TMCO5A: variants seen among roughly 807,000 people sequenced by gnomAD.
TMCO5A encodes the protein transmembrane and coiled-coil domain-containing protein 5A.
TMCO5A carries 34 observed loss-of-function variants against 42.3 expected under a neutral mutation model. That is an observed-to-expected ratio of 0.80 (90% CI 0.61 to 1.07). The LOEUF is 1.07. Among genes scored for constraint, TMCO5A ranks in the 50% least tolerant of loss-of-function variants. The pLI, the probability that TMCO5A is intolerant of heterozygous loss-of-function variation, is 0.00. For synonymous variants in TMCO5A, 131 were observed against 115.6 expected (o/e 1.13, Z -0.86); for missense variants, 357 against 327.9 (o/e 1.09, Z -0.69).
chr15:38,001,248 T>A, the TMCO5A span, among the ~76,000 whole-genome samples: 1 of 152,138 alleles, frequency 6.6e-6, no homozygotes, highest in Non-Finnish European at 1.5e-5. Flanking sequence ...TTTATCAATA[T>A]ATAGTGACCT....
chr15:37,949,717 A>T lies in TMCO5A; in HGVS notation c.669-1319A>T, dbSNP rs77934592. ...TTAAAGATGTAAATGCTAAAAAAAAAAAATAAAAATCTTCAAAACTCTGTA... is the reference window on the plus strand; with the variant it reads ...TTAAAGATGTAAATGCTAAAAAAAATAAATAAAAATCTTCAAAACTCTGTA... On this transcript the variant is annotated intron_variant, in intron 11 of 11. Coordinates refer to ENST00000319669, the MANE Select transcript of TMCO5A (RefSeq NM_152453.4). Among the ~76,000 whole-genome samples the T allele has an allele frequency of 2.0e-3, 305 of 152,246 alleles. 2 individuals are homozygous for T. Among genetic ancestry groups the T allele is most frequent in the African/African-American group, 6.7e-3 (278 of 41,572 alleles).
the TMCO5A span, among the ~76,000 whole-genome samples, chr15:38,024,147 TA>T: frequency 6.6e-6 from 1 of 152,238 alleles, no homozygotes; most frequent in Non-Finnish European, 1.5e-5. Flanking sequence ...TCTCTGGTTT[TA>T]ATTTTCCTCT....
At chr15:38,020,021 C>T in the TMCO5A span, among the ~76,000 whole-genome samples, 23 of 151,640 alleles carry the variant, frequency 1.5e-4, no homozygotes, top group African/African-American at 5.3e-4. Context: ...GAGACAGGAC[C>T]TTGCTCTGTC....
intron 11 of TMCO5A, among the ~76,000 whole-genome samples, chr15:37,957,107 A>G (rs1197546852): frequency 6.6e-6 from 1 of 152,178 alleles, no homozygotes; most frequent in African/African-American, 2.4e-5. Flanking sequence ...AATGAGAGCT[A>G]TTTATGACAA....
At chr15:37,937,090 A>G in intron 4 of TMCO5A, 120 bp downstream of exon 4, 3 of 1,459,330 alleles carry the variant, frequency 2.1e-6, no homozygotes, top group Non-Finnish European at 2.8e-6. Context: ...CTCAAAAGTC[A>G]TGATAAAATT....
the TMCO5A span, among the ~76,000 whole-genome samples, chr15:38,002,137 C>T: frequency 6.6e-6 from 1 of 151,584 alleles, no homozygotes; most frequent in African/African-American, 2.4e-5. Context: ...TTTTGTTTGT[C>T]TGGGAAAGTC....
chr15:37,992,246 A>T, the TMCO5A span, among the ~76,000 whole-genome samples: 1 of 152,208 alleles, frequency 6.6e-6, no homozygotes, highest in African/African-American at 2.4e-5. Flanking sequence ...TGTATTTTTT[A>T]AAAGTTCAAT....
chr15:37,935,800 GC>G (rs1167864659), intron 2 of TMCO5A, among the ~76,000 whole-genome samples: 2 of 152,082 alleles, frequency 1.3e-5, no homozygotes, highest in Non-Finnish European at 2.9e-5. Context: ...TTTGTAGCAG[GC>G]AAGTGAGGGA....
chr15:37,944,995 T>C (rs556666943), intron 10 of TMCO5A, among the ~76,000 whole-genome samples: 64 of 152,220 alleles, frequency 4.2e-4, no homozygotes, highest in Non-Finnish European at 8.7e-4. Context: ...CAGCATCTAC[T>C]AGCTATTCTT....
chr15:37,958,864 C>T (rs1230227649), intron 11 of TMCO5A, among the ~76,000 whole-genome samples: 1 of 152,094 alleles, frequency 6.6e-6, no homozygotes, highest in Non-Finnish European at 1.5e-5. Flanking sequence ...GACTTGGAAC[C>T]AACCCAAATG....
chr15:38,032,583 C>A, the TMCO5A span, among the ~76,000 whole-genome samples: 3 of 152,128 alleles, frequency 2.0e-5, no homozygotes, highest in African/African-American at 4.8e-5. Context: ...TAATTTCTGT[C>A]TTTTCCACTG....
chr15:37,943,553 A>C, intron 10 of TMCO5A, 155 bp downstream of exon 10: 1 of 623,610 alleles, frequency 1.6e-6, no homozygotes, highest in East Asian at 2.9e-5. Context: ...CCAACCCTAA[A>C]CAAACAAACT....
the TMCO5A span, among the ~76,000 whole-genome samples, chr15:37,976,388 G>T: frequency 6.6e-6 from 1 of 152,208 alleles, no homozygotes; most frequent in East Asian, 1.9e-4. Context: ...GTGTCTTGGG[G>T]ATAGTCATCT....
At chr15:38,023,644 C>T in the TMCO5A span, among the ~76,000 whole-genome samples, 1,243 of 152,152 alleles carry the variant, frequency 8.2e-3, 7 homozygotes, top group South Asian at 0.015. Context: ...TCTCTCAATG[C>T]GAGGAGTAGC....
At chr15:37,969,864 G>C (rs1016039983), downstream of TMCO5A, among the ~76,000 whole-genome samples, 2 of 152,094 alleles carry the variant, frequency 1.3e-5, no homozygotes, top group Non-Finnish European at 2.9e-5. Context: ...ACATAATCTT[G>C]TTCTTTTTTT....
the TMCO5A span, among the ~76,000 whole-genome samples, chr15:37,985,886 TA>T: frequency 2.0e-5 from 3 of 149,506 alleles, no homozygotes; most frequent in African/African-American, 7.6e-5. Context: ...GCTTTTTTTT[TA>T]AAATTAACTT....
rs1015523027 is a variant in TMCO5A, at chr15:37,936,782, C to A, written c.141-65C>A. 5 of 1,596,194 alleles carry A rather than the reference C, an allele frequency of 3.1e-6. No individual in the cohort carries two copies. The Admixed American group carries it at 6.8e-5, about 22-fold the overall frequency. On this transcript the variant is annotated intron_variant, in intron 3 of 11. Transcript: ENST00000319669. Reference sequence around the variant, plus strand: ...CCTGAAGTTCCCTTATATCTGAAATCTGTGTTTTATCAGTTCTGAAACTGC... The same window carrying A: ...CCTGAAGTTCCCTTATATCTGAAATATGTGTTTTATCAGTTCTGAAACTGC...
the TMCO5A span, among the ~76,000 whole-genome samples, chr15:38,008,624 G>A: frequency 6.6e-6 from 1 of 152,162 alleles, no homozygotes; most frequent in African/African-American, 2.4e-5. Flanking sequence ...ATAAGCTTCT[G>A]ATATCCCTGG....
chr15:38,020,595 C>A, the TMCO5A span: 1 of 152,112 alleles, frequency 6.6e-6, no homozygotes, highest in African/African-American at 2.4e-5. Context: ...CAAAAGATAG[C>A]AATGGATACG....
Sources: gnomAD v4.1 joint callset for allele counts (sites outside exome capture counted in the v4.1 genomes callset) on GRCh38, gnomAD v4.1.1 for gene constraint, MANE v1.5 for transcripts, NCBI Gene and HGNC (gene_info 2026-07-23, HGNC 2026-07-21) for gene names.